Variants in CFL2 observed in about 807,000 individuals in gnomAD.
CFL2 encodes cofilin-2.
Under a neutral mutation model 19.6 loss-of-function variants are expected in CFL2, and 10 were observed. The observed-to-expected ratio is 0.51, with a 90% CI of 0.31 to 0.86. The LOEUF (loss-of-function observed/expected upper bound fraction) is 0.86, where lower values mean the gene tolerates loss of function less well. Among genes scored for constraint, CFL2 ranks in the 40% least tolerant of loss-of-function variants. The probability of loss-of-function intolerance (pLI) is 0.04; values close to 1 mark genes in which losing one functional copy is unlikely to be tolerated. For synonymous variants in CFL2, 63 were observed against 66.7 expected (o/e 0.95, Z 0.27); for missense variants, 125 against 192.1 (o/e 0.65, Z 2.06).
rs1566522748 is a variant in CFL2, at chr14:34,710,936, TTC to T, written c.*1927_*1928del. On this transcript the variant is annotated 3_prime_UTR_variant, in exon 4 of 4. Coordinates refer to ENST00000298159, the MANE Select transcript of CFL2 (RefSeq NM_138638.5). ...ACATATGGTTAAGTATACGTCAGTA[TTC>T]TCTGTTTTGCTTATCAGAGTTTGGC... is the stretch of plus-strand genomic sequence containing the variant. The T allele has an allele frequency of 1.1e-5, 5 of 454,116 alleles. No individual in the cohort carries two copies. Among genetic ancestry groups the T allele is most frequent in the Non-Finnish European group, 2.2e-5 (5 of 226,796 alleles). The allele number at this position is 454,116 out of a possible 1,614,324, so 28.1% of individuals were successfully genotyped here. A position where few individuals can be genotyped will look rare whatever the true frequency, so the allele number is the denominator to read the frequency against.
chr14:34,709,787 CAA>C lies in CFL2; in HGVS notation c.*3076_*3077del, dbSNP rs71453649. On this transcript the variant is annotated 3_prime_UTR_variant, in exon 4 of 4. Coordinates refer to ENST00000298159, the MANE Select transcript of CFL2 (RefSeq NM_138638.5). ...TGGGCAACAGAGTGAGACCCTGTCT[CAA>C]AAAAAAAAAAAAAAAAAGGCAACAT... 1.2e-4 allele frequency: 8 copies of C among 69,512 alleles called. No homozygotes were observed. The highest frequency in any genetic ancestry group is 7.7e-4 in the East Asian group (2 of 2,584). 4.3% of individuals were successfully genotyped at this position (69,512 alleles called of 1,614,324 possible).
rs1555333384 is a variant in CFL2, at chr14:34,709,787, C to CACAA, written c.*3077_*3078insTTGT. On this transcript the variant is annotated 3_prime_UTR_variant, in exon 4 of 4. Transcript: ENST00000298159. ...TGGGCAACAGAGTGAGACCCTGTCT[C>CACAA]AAAAAAAAAAAAAAAAAAAGGCAAC... The CACAA allele has an allele frequency of 1.4e-5, 1 of 69,506 alleles. No homozygotes were observed. Among genetic ancestry groups the CACAA allele is most frequent in the Non-Finnish European group, 2.5e-5 (1 of 39,362 alleles). The allele number at this position is 69,506 out of a possible 1,614,324, so 4.3% of individuals were successfully genotyped here. A position where few individuals can be genotyped will look rare whatever the true frequency, so the allele number is the denominator to read the frequency against.
chr14:34,712,598 G>A lies in CFL2; in HGVS notation c.*267C>T. ...GATCACATACATTGTAGTGCTTGCT[G>A]CAAGGGAGGCATATAACCAGTTGTT... On this transcript the variant is annotated 3_prime_UTR_variant, in exon 4 of 4. Transcript: ENST00000298159. The A allele has an allele frequency of 3.4e-6, 2 of 588,276 alleles. No homozygotes were observed. The highest frequency in any genetic ancestry group is 3.0e-5 in the South Asian group (2 of 65,708). The allele number at this position is 588,276 out of a possible 1,614,324, so 36.4% of individuals were successfully genotyped here.
chr14:34,714,375 C>T (rs997172370), intron 1 of CFL2, 163 bp downstream of exon 1: 27 of 1,210,534 alleles, frequency 2.2e-5, no homozygotes, highest in Non-Finnish European at 2.8e-5. Context: ...CAGGGCCTGA[C>T]GGCCGGAGGG....
At position 34,713,273 on chromosome 14, in the gene CFL2, CTTCT is replaced by C. The variant is rs1469984140; in HGVS notation, c.288_291del (p.Glu97ThrfsTer2). 1 of 1,612,228 alleles carries C rather than the reference CTTCT, an allele frequency of 6.2e-7. No individual in the cohort carries two copies. The highest frequency in any genetic ancestry group is 8.5e-7 in the Non-Finnish European group (1 of 1,179,350). ...ACACACCAGAATATAAATACTAGGT[CTTCT>C]TTCTTAGACTCTTTTGTTTCGTATG... On this transcript the variant is annotated frameshift_variant, in exon 2 of 4. Coordinates refer to ENST00000298159, the MANE Select transcript of CFL2 (RefSeq NM_138638.5). LOFTEE classifies it high-confidence loss of function.
chr14:34,712,066 T>C lies in CFL2; in HGVS notation c.*799A>G. The C allele has an allele frequency of 4.4e-6, 2 of 454,562 alleles. No homozygotes were observed. Among genetic ancestry groups the C allele is most frequent in the South Asian group, 3.1e-5 (2 of 64,480 alleles). 28.2% of individuals were successfully genotyped at this position (454,562 alleles called of 1,614,324 possible). A position where few individuals can be genotyped will look rare whatever the true frequency, so the allele number is the denominator to read the frequency against. The stretch of plus-strand genomic sequence containing the variant: ...GGCCATTTTTGTGAGGGTGGGGAGT[T>C]TGATCTCAAAACAATGTTCCATTTA... On this transcript the variant is annotated 3_prime_UTR_variant, in exon 4 of 4. Coordinates refer to ENST00000298159, the MANE Select transcript of CFL2 (RefSeq NM_138638.5).
In CFL2 at chr14:34,713,792, A is replaced by AG. The variant is rs1247709420; in HGVS notation, c.4-232dup. On this transcript the variant is annotated intron_variant, in intron 1 of 3. Coordinates refer to ENST00000298159, the MANE Select transcript of CFL2 (RefSeq NM_138638.5). Reference sequence around the variant, plus strand: ...AAAGGGGTTTGGACGTGGAAGCGAAAGGGACAAATACAAGTTGTCCCATCC... The same window carrying AG: ...AAAGGGGTTTGGACGTGGAAGCGAAAGGGGACAAATACAAGTTGTCCCATCC... The AG allele has an allele frequency of 2.5e-6, 4 of 1,604,496 alleles. No homozygotes were observed. The African/African-American group carries it at 4.0e-5, about 16-fold the overall frequency.
Position 34,713,145 on chromosome 14 carries a change from A to G in CFL2, c.312-9T>C. 6.4e-7 allele frequency: 1 copy of G among 1,573,310 alleles called. No individual in the cohort carries two copies. On this transcript the variant is annotated splice_polypyrimidine_tract_variant and intron_variant, in intron 2 of 3. Transcript: ENST00000298159. The stretch of plus-strand genomic sequence containing the variant: ...GTGCACTTTCAGGAGCCCTACAGAA[A>G]AAAAAAAAATTATTGAATCCCATTT...
intron 1 of CFL2, chr14:34,714,325 C>T: frequency 1.3e-6 from 1 of 756,604 alleles, no homozygotes; most frequent in Non-Finnish European, 1.9e-6. Context: ...CGCCGACGCC[C>T]GGGCCCTCCC....
In CFL2 at chr14:34,712,745, T is replaced by C. The variant is rs752855805; in HGVS notation, c.*120A>G. 2 of 733,980 alleles carry C rather than the reference T, an allele frequency of 2.7e-6. No homozygotes were observed. Among genetic ancestry groups the C allele is most frequent in the East Asian group, 5.2e-5 (2 of 38,382 alleles). The allele number at this position is 733,980 out of a possible 1,614,324, so 45.5% of individuals were successfully genotyped here. A position where few individuals can be genotyped will look rare whatever the true frequency, so the allele number is the denominator to read the frequency against. ...AATGATATTTCCTTCATTCATTGTG[T>C]TGGAAGGGCCCAGTGGAAAGGGGGA... On this transcript the variant is annotated 3_prime_UTR_variant, in exon 4 of 4. Coordinates refer to ENST00000298159, the MANE Select transcript of CFL2 (RefSeq NM_138638.5).
At position 34,713,674 on chromosome 14, in the gene CFL2, C is replaced by T; in HGVS notation, c.4-113G>A. 1 of 1,613,230 alleles carries T rather than the reference C, an allele frequency of 6.2e-7. No individual in the cohort carries two copies. The highest frequency in any genetic ancestry group is 8.5e-7 in the Non-Finnish European group (1 of 1,180,018). ...CTGGACATCAAAAATTGCACCGTACCATGTAAGTCGTCCAATCAGATTTGT... is the reference window on the plus strand; with the variant it reads ...CTGGACATCAAAAATTGCACCGTACTATGTAAGTCGTCCAATCAGATTTGT... On this transcript the variant is annotated intron_variant, in intron 1 of 3. Coordinates refer to ENST00000298159, the MANE Select transcript of CFL2 (RefSeq NM_138638.5).
rs1438197921 is a variant in CFL2 at position 34,712,134 on chromosome 14, AAT to A, written c.*729_*730del. ...AATTGCCATCATGACTGATATTCAA[AAT>A]ATCTTTAGTGTTGCAGGACTCACAT... On this transcript the variant is annotated 3_prime_UTR_variant, in exon 4 of 4. Coordinates refer to ENST00000298159, the MANE Select transcript of CFL2 (RefSeq NM_138638.5). 1.1e-5 allele frequency: 5 copies of A among 454,426 alleles called. No homozygotes were observed. Among genetic ancestry groups the A allele is most frequent in the African/African-American group, 1.0e-4 (5 of 50,022 alleles). 28.1% of individuals were successfully genotyped at this position (454,426 alleles called of 1,614,324 possible).
In CFL2 at chr14:34,714,546, C is replaced by A; in HGVS notation, c.-6G>T. 1 of 1,588,924 alleles carries A rather than the reference C, an allele frequency of 6.3e-7. No homozygotes were observed. The highest frequency in any genetic ancestry group is 1.9e-4 in the Middle Eastern group (1 of 5,402). On this transcript the variant is annotated 5_prime_UTR_variant, in exon 1 of 4. Coordinates refer to ENST00000298159, the MANE Select transcript of CFL2 (RefSeq NM_138638.5). ...CAGCGCGCTCGTCTTACCATAGTGC[C>A]CTCGGCTGTGGCTGCGGCGGCAGCT...
At chr14:34,713,647 G>C (rs1443571576) in intron 1 of CFL2, 86 bp from the exon 2 acceptor site, 1 of 1,613,810 alleles carries the variant, frequency 6.2e-7, no homozygotes, top group East Asian at 2.2e-5. Flanking sequence ...ACTCACTTTA[G>C]TCTGGACATC....
chr14:34,714,120 T>G (rs1885413566), intron 1 of CFL2: 1 of 368,716 alleles, frequency 2.7e-6, no homozygotes, highest in Admixed American at 4.4e-5. Flanking sequence ...GTGTTTTCCC[T>G]CTTCCTTAAT....
chr14:34,711,976 T>A lies in CFL2; in HGVS notation c.*889A>T, dbSNP rs1414646542. ...CCCTAGAAGTTGTTTCACATAACATTTTGCAAAATTTCCAAGGAAAACAAG... is the reference window on the plus strand; with the variant it reads ...CCCTAGAAGTTGTTTCACATAACATATTGCAAAATTTCCAAGGAAAACAAG... On this transcript the variant is annotated 3_prime_UTR_variant, in exon 4 of 4. Transcript: ENST00000298159. The A allele has an allele frequency of 2.2e-6, 1 of 454,482 alleles. No individual in the cohort carries two copies. The highest frequency in any genetic ancestry group is 4.4e-6 in the Non-Finnish European group (1 of 226,740). 28.2% of individuals were successfully genotyped at this position (454,482 alleles called of 1,614,324 possible). A position where few individuals can be genotyped will look rare whatever the true frequency, so the allele number is the denominator to read the frequency against.
chr14:34,713,767 A>G (rs1885401811), intron 1 of CFL2: 1 of 1,611,604 alleles, frequency 6.2e-7, no homozygotes, highest in Admixed American at 1.7e-5. Flanking sequence ...CATCCTTCTT[A>G]AAGGGGTTTG....
At position 34,709,173 on chromosome 14, in the gene CFL2, T is replaced by A. The variant is rs1379066115; in HGVS notation, c.*3692A>T. 6.6e-6 allele frequency: 1 copy of A among 152,090 alleles called. No homozygotes were observed. The highest frequency in any genetic ancestry group is 1.5e-5 in the Non-Finnish European group (1 of 68,008). The allele number at this position is 152,090 out of a possible 1,614,324, so 9.4% of individuals were successfully genotyped here. A position where few individuals can be genotyped will look rare whatever the true frequency, so the allele number is the denominator to read the frequency against. ...CTTACATACAGTAATTAAGAATGAA[T>A]AGTTTAAACAGATTATTGCATTTAC... On this transcript the variant is annotated 3_prime_UTR_variant, in exon 4 of 4. Transcript: ENST00000298159.
rs1273413268 is a variant in CFL2, at chr14:34,711,314, T to C, written c.*1551A>G. 8.8e-6 allele frequency: 4 copies of C among 454,566 alleles called. No homozygotes were observed. Among genetic ancestry groups the C allele is most frequent in the South Asian group, 6.2e-5 (4 of 64,480 alleles). The allele number at this position is 454,566 out of a possible 1,614,324, so 28.2% of individuals were successfully genotyped here. On this transcript the variant is annotated 3_prime_UTR_variant, in exon 4 of 4. Coordinates refer to ENST00000298159, the MANE Select transcript of CFL2 (RefSeq NM_138638.5). ...ATACCAGTAGAATCAAGTCCAGTTT[T>C]GCCATTTGTGGATAACTATGACAAG... is the stretch of plus-strand genomic sequence containing the variant.
Sources: allele counts gnomAD v4.1 joint callset, GRCh38; gene constraint gnomAD v4.1.1; transcripts MANE v1.5; gene names NCBI Gene and HGNC (gene_info 2026-07-23, HGNC 2026-07-21).